RNF32: variants seen among roughly 807,000 people sequenced by gnomAD.
RNF32 encodes the protein ring finger protein 32.
RNF32 carries 36 observed loss-of-function variants against 41.0 expected under a neutral mutation model. The observed-to-expected ratio is 0.88, with a 90% CI of 0.67 to 1.16. RNF32 has a LOEUF of 1.16. RNF32 is among the 50% of genes most tolerant of loss of function. The probability of loss-of-function intolerance (pLI) is 0.00; values close to 1 mark genes in which losing one functional copy is unlikely to be tolerated. For synonymous variants in RNF32, 154 were observed against 160.9 expected (o/e 0.96, Z 0.32); for missense variants, 413 against 436.7 (o/e 0.95, Z 0.48).
chr7:156,672,375 G>A (rs1454581453), intron 7 of RNF32, among the ~76,000 whole-genome samples: 1 of 152,162 alleles, frequency 6.6e-6, no homozygotes, highest in African/African-American at 2.4e-5. Context: ...GACTAATAAA[G>A]GAGATAGGAC....
At chr7:156,654,314 G>A (rs1012841081) in intron 3 of RNF32, 6 of 311,584 alleles carry the variant, frequency 1.9e-5, no homozygotes, top group South Asian at 2.8e-4. Flanking sequence ...ATTGGTAATC[G>A]AGATGACTGG....
At chr7:156,661,294 G>T (rs1487637330) in intron 7 of RNF32, among the ~76,000 whole-genome samples, 1 of 151,366 alleles carries the variant, frequency 6.6e-6, no homozygotes. Context: ...GCCAAGAGGG[G>T]GTTCGTTCTG....
At chr7:156,643,763 A>C (rs997815047) in intron 1 of RNF32, 38 bp from the exon 2 acceptor site, 1 of 918,390 alleles carries the variant, frequency 1.1e-6, no homozygotes, top group African/African-American at 1.6e-5. Flanking sequence ...TTTTCTGTGC[A>C]CTGTAACTTT....
At chr7:156,672,930 G>C (rs114200583) in intron 7 of RNF32, among the ~76,000 whole-genome samples, 179 of 152,346 alleles carry the variant, frequency 1.2e-3, no homozygotes, top group African/African-American at 4.0e-3. Flanking sequence ...ATGGGCCTCA[G>C]AATCACCTGG....
intron 1 of RNF32, among the ~76,000 whole-genome samples, chr7:156,641,625 G>A (rs954955086): frequency 9.2e-5 from 14 of 152,170 alleles, no homozygotes; most frequent in African/African-American, 3.4e-4. Flanking sequence ...GAGAGTATAG[G>A]TTTTAAAAGC....
chr7:156,640,574 C>CAG, upstream of RNF32: 1 of 401,564 alleles, frequency 2.5e-6, no homozygotes, highest in Non-Finnish European at 4.9e-6. Flanking sequence ...GGGCGGGGGC[C>CAG]GGCGAGCATG....
chr7:156,640,462 G>T (rs987528976), upstream of RNF32: 2 of 365,076 alleles, frequency 5.5e-6, no homozygotes, highest in Non-Finnish European at 1.1e-5. Flanking sequence ...CCGTGCTTCA[G>T]CCCGCGGCTC....
At chr7:156,667,466 A>C (rs1801514113) in intron 7 of RNF32, among the ~76,000 whole-genome samples, 1 of 152,246 alleles carries the variant, frequency 6.6e-6, no homozygotes, top group Non-Finnish European at 1.5e-5. Flanking sequence ...GAAAAATTAC[A>C]CTAAGACATT....
chr7:156,649,090 T>G (rs1311440969), intron 3 of RNF32, among the ~76,000 whole-genome samples: 1 of 152,242 alleles, frequency 6.6e-6, no homozygotes, highest in Non-Finnish European at 1.5e-5. Flanking sequence ...TATGTCAGTA[T>G]TGCACTGTTT....
rs1293211554 is a variant in RNF32, at chr7:156,676,886, T to A, written c.*231T>A. On this transcript the variant is annotated 3_prime_UTR_variant, in exon 9 of 9. Coordinates refer to ENST00000317955, the MANE Select transcript of RNF32 (RefSeq NM_030936.4). ...AATTTATGAGTTTAATCACTTCAAA[T>A]ATGAATAGCAAAAAATGAGAGCTTG... is the stretch of plus-strand genomic sequence containing the variant. 4.1e-6 allele frequency: 2 copies of A among 491,030 alleles called. No individual in the cohort carries two copies. The highest frequency in any genetic ancestry group is 7.3e-6 in the Non-Finnish European group (2 of 274,032). The allele number at this position is 491,030 out of a possible 1,614,324, so 30.4% of individuals were successfully genotyped here.
At chr7:156,658,388 T>C in intron 6 of RNF32, 74 bp from the exon 7 acceptor site, 2 of 1,501,638 alleles carry the variant, frequency 1.3e-6, no homozygotes, top group Non-Finnish European at 1.9e-6. Flanking sequence ...AGCACAGGGC[T>C]TATAACAACT....
chr7:156,676,069 G>T (rs994462251), intron 8 of RNF32, among the ~76,000 whole-genome samples: 4 of 152,054 alleles, frequency 2.6e-5, no homozygotes, highest in African/African-American at 9.7e-5. Context: ...CAGTCCCGGG[G>T]TAACCGCTGC....
At chr7:156,668,053 C>A (rs1232423370) in intron 7 of RNF32, among the ~76,000 whole-genome samples, 1 of 152,228 alleles carries the variant, frequency 6.6e-6, no homozygotes, top group Non-Finnish European at 1.5e-5. Flanking sequence ...TATTTGCTCT[C>A]ATTTCTCATC....
In RNF32 at chr7:156,659,440, G is replaced by A. The variant is rs577486296; in HGVS notation, c.684+870G>A. The A allele has an allele frequency of 7.3e-5, 72 of 985,390 alleles. No homozygotes were observed. The East Asian group carries it at 4.3e-3, about 59-fold the overall frequency. 61.0% of individuals were successfully genotyped at this position (985,390 alleles called of 1,614,324 possible). On this transcript the variant is annotated intron_variant, in intron 7 of 8. Transcript: ENST00000317955. ...GTAAAGGACCGCCATGCACGATTGC[G>A]TCATCCTTCCTTTACATTCTTTCCA...
At chr7:156,642,222 A>G (rs58020793) in intron 1 of RNF32, among the ~76,000 whole-genome samples, 2,813 of 152,354 alleles carry the variant, frequency 0.018, 89 homozygotes, top group African/African-American at 0.065. Flanking sequence ...CAGTTTCACC[A>G]TAGGTTAATT....
chr7:156,643,258 C>G (rs1268726944), intron 1 of RNF32, among the ~76,000 whole-genome samples: 1 of 152,208 alleles, frequency 6.6e-6, no homozygotes, highest in Non-Finnish European at 1.5e-5. Context: ...AATTGGAACT[C>G]AAGTTGGTCT....
chr7:156,673,268 G>C (rs912806843), intron 7 of RNF32, among the ~76,000 whole-genome samples: 3 of 152,184 alleles, frequency 2.0e-5, no homozygotes, highest in Admixed American at 1.3e-4. Flanking sequence ...GGCATATGTG[G>C]AAAGTATCTC....
At chr7:156,653,415 C>T (rs111372810) in intron 3 of RNF32, among the ~76,000 whole-genome samples, 3,511 of 152,262 alleles carry the variant, frequency 0.023, 96 homozygotes, top group African/African-American at 0.066. Context: ...TAACAACAAT[C>T]GCCTGTTGTT....
intron 3 of RNF32, among the ~76,000 whole-genome samples, chr7:156,645,907 CTT>C (rs967518676): frequency 1.3e-5 from 2 of 152,160 alleles, no homozygotes; most frequent in African/African-American, 2.4e-5. Context: ...TTTTCCATCT[CTT>C]TTGATTGCTA....
Sources: gnomAD v4.1 joint callset for allele counts (sites outside exome capture counted in the v4.1 genomes callset) on GRCh38, gnomAD v4.1.1 for gene constraint, MANE v1.5 for transcripts, NCBI Gene and HGNC (gene_info 2026-07-23, HGNC 2026-07-21) for gene names.